The following TMEM69 variants were observed in gnomAD, a reference collection of about 807,000 sequenced individuals.
TMEM69 encodes transmembrane protein 69.
Under a neutral mutation model 15.8 loss-of-function variants are expected in TMEM69, and 17 were observed. That is an observed-to-expected ratio of 1.07 (90% confidence interval 0.73 to 1.61). The LOEUF (loss-of-function observed/expected upper bound fraction) is 1.61, where lower values mean the gene tolerates loss of function less well. Among genes scored for constraint, TMEM69 ranks in the 40% most tolerant of loss-of-function variants. TMEM69 has a pLI of 0.00. For missense variants in TMEM69, 230 were observed against 286.1 expected (o/e 0.80, Z 1.41); for synonymous variants, 80 against 98.6 (o/e 0.81, Z 1.12).
At chr1:45,689,901 G>A (rs940163276) in intron 1 of TMEM69, among the ~76,000 whole-genome samples, 4 of 152,082 alleles carry the variant, frequency 2.6e-5, no homozygotes, top group Non-Finnish European at 5.9e-5. Context: ...GGGCTGAGGT[G>A]GTAAGATCCC....
chr1:45,691,294 A>T (rs568166951), intron 2 of TMEM69, among the ~76,000 whole-genome samples, 184 bp downstream of exon 2: 1 of 152,346 alleles, frequency 6.6e-6, no homozygotes, highest in African/African-American at 2.4e-5. Context: ...TCACGCCTGT[A>T]GTCCCAGCAA....
rs1158784783 is a variant in TMEM69 at position 45,690,875 on chromosome 1, A to T, written c.-95-99A>T. The T allele has an allele frequency of 2.1e-5, 13 of 617,920 alleles. No individual in the cohort carries two copies. In the Admixed American group the frequency reaches 3.8e-4, roughly 18 times the overall value. The allele number at this position is 617,920 out of a possible 1,614,324, so 38.3% of individuals were successfully genotyped here. On this transcript the variant is annotated intron_variant, in intron 1 of 2. Coordinates refer to ENST00000372025, the MANE Select transcript of TMEM69 (RefSeq NM_016486.4). ...TACCGACAGTTTGAAAACATTAATG[A>T]TTCTTTTCAAAGGAAAGTGTTATAT...
In TMEM69 at chr1:45,694,286, ATTAC is replaced by A; in HGVS notation, c.*384_*387del. ...TTCTAGAAATTGTTACTTCATGGTA[ATTAC>A]TTGAGCAAAAGCTTGAAAATCCCTG... On this transcript the variant is annotated 3_prime_UTR_variant, in exon 3 of 3. Transcript: ENST00000372025. 1.6e-6 allele frequency: 1 copy of A among 625,520 alleles called. No homozygotes were observed. The highest frequency in any genetic ancestry group is 2.9e-6 in the Non-Finnish European group (1 of 349,194). 38.7% of individuals were successfully genotyped at this position (625,520 alleles called of 1,614,324 possible).
Position 45,693,346 on chromosome 1 carries a change from A to G in TMEM69, c.185A>G (p.Gln62Arg), listed in dbSNP as rs560345889. ...SSFPAYMSKT[Q>R]CYHTSPCSFK... ...TTTCCAGCGTATATGAGCAAGACAC[A>G]GTGCTATCATACATCCCCCTGCAGC... Residue 62 changes from glutamine (Q) to arginine (R), a missense_variant, in exon 3 of 3, where the codon CAG becomes CGG. Gln to Arg is a conservative substitution (Grantham distance 43). Coordinates refer to ENST00000372025, the MANE Select transcript of TMEM69 (RefSeq NM_016486.4). The G allele has an allele frequency of 9.3e-6, 15 of 1,614,162 alleles. No homozygotes were observed. The East Asian group carries it at 2.0e-4, about 22-fold the overall frequency.
chr1:45,694,395 C>A lies in TMEM69; in HGVS notation c.*490C>A, dbSNP rs1049990913. 8 of 1,153,948 alleles carry A rather than the reference C, an allele frequency of 6.9e-6. No individual in the cohort carries two copies. In the African/African-American group the frequency reaches 1.2e-4, roughly 18 times the overall value. 71.5% of individuals were successfully genotyped at this position (1,153,948 alleles called of 1,614,324 possible). On this transcript the variant is annotated 3_prime_UTR_variant, in exon 3 of 3. Transcript: ENST00000372025. ...AATATAGTTATCCACTTAAACATTT[C>A]AATATTTTAACCATCTTGAAAATTA...
At chr1:45,692,265 C>T (rs1463666839) in intron 2 of TMEM69, among the ~76,000 whole-genome samples, 4 of 152,096 alleles carry the variant, frequency 2.6e-5, no homozygotes, top group South Asian at 4.1e-4. Context: ...GGCAGGGGAT[C>T]GGAAGTAGGT....
chr1:45,692,192 G>A (rs1030242797), intron 2 of TMEM69, among the ~76,000 whole-genome samples: 1 of 152,032 alleles, frequency 6.6e-6, no homozygotes, highest in African/African-American at 2.4e-5. Context: ...TAAATGCTGT[G>A]GAGAACTATA....
At chr1:45,688,970 C>G (rs1163364802) in intron 1 of TMEM69, among the ~76,000 whole-genome samples, 2 of 148,726 alleles carry the variant, frequency 1.3e-5, no homozygotes, top group East Asian at 4.0e-4. Context: ...ATGGCGCGAT[C>G]TCGGCTCACT....
chr1:45,691,131 T>C (rs781475881), intron 2 of TMEM69, 21 bp downstream of exon 2: 1 of 1,613,352 alleles, frequency 6.2e-7, no homozygotes, highest in Non-Finnish European at 8.5e-7. Flanking sequence ...TCAGCAGATA[T>C]TTGAGCACTA....
At chr1:45,689,954 C>A (rs1162834049) in intron 1 of TMEM69, among the ~76,000 whole-genome samples, 3 of 152,004 alleles carry the variant, frequency 2.0e-5, no homozygotes, top group African/African-American at 7.2e-5. Flanking sequence ...GAGAGCACGC[C>A]ACTGCAGTCC....
intron 1 of TMEM69, among the ~76,000 whole-genome samples, chr1:45,689,837 CA>C (rs200273104): frequency 6.7e-6 from 1 of 150,036 alleles, no homozygotes; most frequent in Admixed American, 6.6e-5. Context: ...GACTCCGTCT[CA>C]AAAAAAAATT....
Position 45,693,910 on chromosome 1 carries a change from T to C in TMEM69, c.*5T>C. On this transcript the variant is annotated 3_prime_UTR_variant, in exon 3 of 3. Transcript: ENST00000372025. Reference sequence around the variant, plus strand: ...AAGAGACCTGGTCAAGTATAAAAAATATAAAAGTCTGGGAAGTGAGGAGCA... The same window carrying C: ...AAGAGACCTGGTCAAGTATAAAAAACATAAAAGTCTGGGAAGTGAGGAGCA... 6.4e-7 allele frequency: 1 copy of C among 1,567,884 alleles called. No individual in the cohort carries two copies.
At chr1:45,689,096 G>C (rs530269363) in intron 1 of TMEM69, among the ~76,000 whole-genome samples, 20 of 151,868 alleles carry the variant, frequency 1.3e-4, no homozygotes, top group African/African-American at 4.3e-4. Flanking sequence ...GTAGAGACGG[G>C]GGGGAGGTTC....
rs778417233 is a variant in TMEM69 at position 45,694,436 on chromosome 1, C to T, written c.*531C>T. 1 of 1,513,486 alleles carries T rather than the reference C, an allele frequency of 6.6e-7. No homozygotes were observed. Among genetic ancestry groups the T allele is most frequent in the South Asian group, 1.2e-5 (1 of 83,016 alleles). The allele number at this position is 1,513,486 out of a possible 1,614,324, so 93.8% of individuals were successfully genotyped here. A position where few individuals can be genotyped will look rare whatever the true frequency, so the allele number is the denominator to read the frequency against. ...TTGAAAATTAAAGATTAAAAATCCC[C>T]TTTGTTAGAGTCTTGTGATCATTGA... On this transcript the variant is annotated 3_prime_UTR_variant, in exon 3 of 3. Coordinates refer to ENST00000372025, the MANE Select transcript of TMEM69 (RefSeq NM_016486.4).
At chr1:45,691,683 A>G (rs1219335315) in intron 2 of TMEM69, among the ~76,000 whole-genome samples, 2 of 151,702 alleles carry the variant, frequency 1.3e-5, no homozygotes, top group Admixed American at 6.6e-5. Context: ...CCACGGAAAA[A>G]TACAAAAATT....
chr1:45,693,351 T>C lies in TMEM69; in HGVS notation c.190T>C (p.Tyr64His). Residue 64 changes from tyrosine (Y) to histidine (H), a missense_variant, in exon 3 of 3, where the codon TAT becomes CAT. Coordinates refer to ENST00000372025, the MANE Select transcript of TMEM69 (RefSeq NM_016486.4). ...FPAYMSKTQC[Y>H]HTSPCSFKKQ... ...AGCGTATATGAGCAAGACACAGTGC[T>C]ATCATACATCCCCCTGCAGCTTTAA... is the stretch of plus-strand genomic sequence containing the variant. The C allele has an allele frequency of 6.2e-7, 1 of 1,614,184 alleles. No individual in the cohort carries two copies. The highest frequency in any genetic ancestry group is 1.1e-5 in the South Asian group (1 of 91,092).
At chr1:45,692,243 G>A (rs1645349440) in intron 2 of TMEM69, among the ~76,000 whole-genome samples, 1 of 152,144 alleles carries the variant, frequency 6.6e-6, no homozygotes, top group South Asian at 2.1e-4. Context: ...ACGTAGGATT[G>A]GACTTACAAA....
intron 2 of TMEM69, among the ~76,000 whole-genome samples, chr1:45,692,021 G>A (rs535504666): frequency 3.3e-5 from 5 of 152,072 alleles, no homozygotes; most frequent in South Asian, 2.1e-4. Flanking sequence ...GGTGGCGGAC[G>A]CCTGTAATCC....
intron 1 of TMEM69, among the ~76,000 whole-genome samples, chr1:45,689,211 T>C (rs1645326608): frequency 1.3e-5 from 2 of 151,430 alleles, no homozygotes; most frequent in Admixed American, 1.3e-4. Context: ...CCCTGCCCAA[T>C]CGATTTTTTA....
Sources: gnomAD v4.1 joint callset for allele counts (sites outside exome capture counted in the v4.1 genomes callset) on GRCh38, gnomAD v4.1.1 for gene constraint, MANE v1.5 for transcripts, NCBI Gene and HGNC (gene_info 2026-07-23, HGNC 2026-07-21) for gene names.